HMGCLL1: variants seen among roughly 807,000 people sequenced by gnomAD.
The protein encoded by HMGCLL1 is 3-hydroxy-3-methylglutaryl-CoA lyase like 1.
HMGCLL1 carries 36 observed loss-of-function variants against 39.1 expected under a neutral mutation model. The observed-to-expected ratio is 0.92, with a 90% CI of 0.71 to 1.22. The LOEUF (loss-of-function observed/expected upper bound fraction) is 1.22, where lower values mean the gene tolerates loss of function less well. Ranked by LOEUF, HMGCLL1 falls within the 50% of genes most tolerant of loss-of-function variation. The pLI, the probability that HMGCLL1 is intolerant of heterozygous loss-of-function variation, is 0.00. For missense variants in HMGCLL1, 451 were observed against 416.5 expected (o/e 1.08, Z -0.72); for synonymous variants, 149 against 144.0 (o/e 1.03, Z -0.25).
the HMGCLL1 span, among the ~76,000 whole-genome samples, chr6:55,625,379 G>A: frequency 2.8e-4 from 43 of 152,218 alleles, no homozygotes; most frequent in East Asian, 8.3e-3. Flanking sequence ...AGTTACATGA[G>A]GAAGTGGCTC....
At chr6:55,523,424 A>C (rs1019636304) in intron 3 of HMGCLL1, among the ~76,000 whole-genome samples, 4 of 152,122 alleles carry the variant, frequency 2.6e-5, no homozygotes, top group South Asian at 2.1e-4. Flanking sequence ...AGAAGAAAAA[A>C]GGGGAGTTAT....
the HMGCLL1 span, among the ~76,000 whole-genome samples, chr6:55,639,885 C>G: frequency 6.6e-6 from 1 of 151,932 alleles, no homozygotes; most frequent in Admixed American, 6.6e-5. Flanking sequence ...TCAAGACCAG[C>G]CTGGCCAACA....
the HMGCLL1 span, among the ~76,000 whole-genome samples, chr6:55,648,910 C>T: frequency 1.4e-5 from 2 of 145,086 alleles, no homozygotes; most frequent in South Asian, 4.6e-4. Context: ...AGAGACACAA[C>T]CAAAAAAGAG....
chr6:55,543,041 T>C (rs1382006824), intron 1 of HMGCLL1, among the ~76,000 whole-genome samples: 3 of 108,356 alleles, frequency 2.8e-5, no homozygotes, highest in Non-Finnish European at 5.3e-5. Flanking sequence ...ATACATCATA[T>C]ATAATATATC....
At chr6:55,643,033 A>G in the HMGCLL1 span, among the ~76,000 whole-genome samples, 3 of 151,974 alleles carry the variant, frequency 2.0e-5, no homozygotes, top group Non-Finnish European at 4.4e-5. Context: ...TCTTTATCCA[A>G]CCTATCATTG....
intron 1 of HMGCLL1, among the ~76,000 whole-genome samples, chr6:55,549,373 A>AGTGTGTGTGT (rs70986732): frequency 0.018 from 2,650 of 145,514 alleles, 42 homozygotes; most frequent in East Asian, 0.068. Flanking sequence ...CAAATACAGA[A>AGTGTGTGTGT]GTGTGTGTGT....
intron 7 of HMGCLL1, 130 bp downstream of exon 7, chr6:55,495,289 C>T: frequency 1.4e-6 from 1 of 725,268 alleles, no homozygotes; most frequent in Non-Finnish European, 2.2e-6. Context: ...CTGTCATGTA[C>T]AGACACTGGT....
At position 55,476,051 on chromosome 6, in the gene HMGCLL1, CTTGGCTATTG is replaced by C. The variant is rs530095080; in HGVS notation, c.795+19358_795+19367del. ...ATTTGAAATTCCCCTTTTCGATTGC[CTTGGCTATTG>C]TAGGCCATTTGCATTCTCACATCAA... On this transcript the variant is annotated intron_variant, in intron 7 of 8. Coordinates refer to ENST00000274901, the MANE Select transcript of HMGCLL1 (RefSeq NM_001042406.2). Among the ~76,000 whole-genome samples, 527 of 151,698 alleles carry C rather than the reference CTTGGCTATTG, an allele frequency of 3.5e-3. 6 individuals carry two copies. The highest frequency in any genetic ancestry group is 0.012 in the African/African-American group (491 of 41,484).
At chr6:55,608,730 A>T in the HMGCLL1 span, among the ~76,000 whole-genome samples, 1 of 152,236 alleles carries the variant, frequency 6.6e-6, no homozygotes, top group African/African-American at 2.4e-5. Context: ...ATCTACTTGA[A>T]CAACAATTCT....
the HMGCLL1 span, among the ~76,000 whole-genome samples, chr6:55,587,022 A>T: frequency 6.6e-6 from 1 of 152,102 alleles, no homozygotes; most frequent in Non-Finnish European, 1.5e-5. Context: ...ACAGTGTAAA[A>T]GTGTTCCTAT....
At chr6:55,469,432 A>T (rs558981874) in intron 7 of HMGCLL1, among the ~76,000 whole-genome samples, 1 of 145,080 alleles carries the variant, frequency 6.9e-6, no homozygotes, top group African/African-American at 2.5e-5. Context: ...TACATATATA[A>T]GTATATATAC....
At chr6:55,596,848 T>A in the HMGCLL1 span, among the ~76,000 whole-genome samples, 1 of 152,214 alleles carries the variant, frequency 6.6e-6, no homozygotes, top group African/African-American at 2.4e-5. Flanking sequence ...CATTTAAAAC[T>A]GCTGTGACTA....
Position 55,518,355 on chromosome 6 carries a change from A to G in HMGCLL1, c.298-1752T>C, listed in dbSNP as rs542271234. 2.0e-5 allele frequency among the ~76,000 whole-genome samples: 3 copies of G among 152,268 alleles called. No individual in the cohort carries two copies. The South Asian group carries it at 6.2e-4, about 32-fold the overall frequency. On this transcript the variant is annotated intron_variant, in intron 3 of 8. Transcript: ENST00000274901. ...AGTCTGGGAGAGTTTGAAAGAGCAC[A>G]TGGGATACAAGCTGCAGTCCTTCAC...
chr6:55,610,483 G>GA, the HMGCLL1 span, among the ~76,000 whole-genome samples: 6 of 152,014 alleles, frequency 3.9e-5, no homozygotes, highest in Admixed American at 1.3e-4. Context: ...CAAGATTAGA[G>GA]AAAAAAGAAT....
the HMGCLL1 span, among the ~76,000 whole-genome samples, chr6:55,632,025 T>G: frequency 6.6e-6 from 1 of 152,154 alleles, no homozygotes; most frequent in Non-Finnish European, 1.5e-5. Context: ...ATTAAGGTTT[T>G]TTTGTTTGTT....
chr6:55,456,789 T>C (rs1306939615), intron 7 of HMGCLL1, among the ~76,000 whole-genome samples: 1 of 152,172 alleles, frequency 6.6e-6, no homozygotes, highest in Non-Finnish European at 1.5e-5. Context: ...GCTTCTTTCT[T>C]TGTCCATCCA....
At chr6:55,499,107 G>T in intron 6 of HMGCLL1, 129 bp downstream of exon 6, 2 of 601,904 alleles carry the variant, frequency 3.3e-6, no homozygotes. Flanking sequence ...GATCAAATAT[G>T]TCTTCAGGGT....
At chr6:55,630,841 A>T in the HMGCLL1 span, among the ~76,000 whole-genome samples, 1 of 152,054 alleles carries the variant, frequency 6.6e-6, no homozygotes, top group East Asian at 1.9e-4. Flanking sequence ...CTCCCCAGCC[A>T]TGTAGAACTG....
At chr6:55,663,368 A>C in the HMGCLL1 span, among the ~76,000 whole-genome samples, 2 of 151,754 alleles carry the variant, frequency 1.3e-5, no homozygotes, top group Non-Finnish European at 2.9e-5. Context: ...TGACCCAGAG[A>C]TTCTGGTATG....
Sources: gnomAD v4.1 joint callset for allele counts (sites outside exome capture counted in the v4.1 genomes callset) on GRCh38, gnomAD v4.1.1 for gene constraint, MANE v1.5 for transcripts, NCBI Gene and HGNC (gene_info 2026-07-23, HGNC 2026-07-21) for gene names.